BAHD1: variants seen among roughly 807,000 people sequenced by gnomAD.
The protein encoded by BAHD1 is bromo adjacent homology domain-containing 1 protein.
Under a neutral mutation model 63.1 loss-of-function variants are expected in BAHD1, and 20 were observed. That is an observed-to-expected ratio of 0.32 (90% confidence interval 0.22 to 0.46). The LOEUF (loss-of-function observed/expected upper bound fraction) is 0.46, where lower values mean the gene tolerates loss of function less well. Among genes scored for constraint, BAHD1 ranks in the 20% least tolerant of loss-of-function variants. The pLI is 1.00. For synonymous variants in BAHD1, 408 were observed against 426.8 expected (o/e 0.96, Z 0.54); for missense variants, 939 against 1,071.8 (o/e 0.88, Z 1.73).
At chr15:40,450,654 C>T (rs996428967) in intron 1 of BAHD1, among the ~76,000 whole-genome samples, 2 of 152,170 alleles carry the variant, frequency 1.3e-5, no homozygotes, top group Non-Finnish European at 2.9e-5. Flanking sequence ...CTGCTCAGAG[C>T]AAATGGGTTT....
At chr15:40,450,601 T>A (rs1019214605) in intron 1 of BAHD1, among the ~76,000 whole-genome samples, 4 of 152,224 alleles carry the variant, frequency 2.6e-5, no homozygotes, top group Non-Finnish European at 5.9e-5. Flanking sequence ...TGGGGTGCCC[T>A]GTCCCCTGTT....
intron 3 of BAHD1, among the ~76,000 whole-genome samples, chr15:40,463,252 C>T (rs1894104530): frequency 1.3e-5 from 2 of 152,130 alleles, no homozygotes; most frequent in African/African-American, 4.8e-5. Context: ...CTGCAGTGAA[C>T]TATGGTTGCA....
intron 1 of BAHD1, among the ~76,000 whole-genome samples, chr15:40,449,037 A>G (rs1459809989): frequency 6.6e-6 from 1 of 151,556 alleles, no homozygotes; most frequent in Non-Finnish European, 1.5e-5. Context: ...GCTGGCCTTG[A>G]ACTCCCAACC....
chr15:40,454,919 T>C (rs947823980), intron 1 of BAHD1, among the ~76,000 whole-genome samples: 4 of 152,178 alleles, frequency 2.6e-5, no homozygotes, highest in Admixed American at 6.5e-5. Context: ...CCATCCCTTG[T>C]GGTTTGGAGG....
chr15:40,439,200 T>C (rs984476027), upstream of BAHD1, among the ~76,000 whole-genome samples: 2 of 152,228 alleles, frequency 1.3e-5, no homozygotes, highest in Admixed American at 6.5e-5. Context: ...TGGGAGAACC[T>C]GGACCTTCGA....
chr15:40,439,429 T>A (rs1893343357), upstream of BAHD1, among the ~76,000 whole-genome samples: 1 of 152,150 alleles, frequency 6.6e-6, no homozygotes, highest in Non-Finnish European at 1.5e-5. Flanking sequence ...GGGTGAGCGC[T>A]GGAGTCCCAA....
In BAHD1 at chr15:40,466,916, A is replaced by T. The variant is rs1413882521; in HGVS notation, c.*786A>T. On this transcript the variant is annotated 3_prime_UTR_variant, in exon 7 of 7. Coordinates refer to ENST00000416165, the MANE Select transcript of BAHD1 (RefSeq NM_014952.5). ...TGGGTGCTGGGAGAGGGTTGGGGGC[A>T]GGGGGCAAGGAAAATTGCTACCTGA... is the stretch of plus-strand genomic sequence containing the variant. 2 of 152,524 alleles carry T rather than the reference A, an allele frequency of 1.3e-5. No individual in the cohort carries two copies. The allele number at this position is 152,524 out of a possible 1,614,324, so 9.4% of individuals were successfully genotyped here.
In BAHD1 at chr15:40,467,939, A is replaced by AGGGG. The variant is rs1894261231; in HGVS notation, c.*1812_*1813insGGGG. On this transcript the variant is annotated 3_prime_UTR_variant, in exon 7 of 7. Transcript: ENST00000416165. ...GATGAAGGCCCTCCTCCCAGGAGGTAGGGTCTTGGCTGCCCCGAACTTAAA... is the reference window on the plus strand; with the variant it reads ...GATGAAGGCCCTCCTCCCAGGAGGTAGGGGGGGTCTTGGCTGCCCCGAACTTAAA... 2 of 152,778 alleles carry AGGGG rather than the reference A, an allele frequency of 1.3e-5. No homozygotes were observed. Among genetic ancestry groups the AGGGG allele is most frequent in the South Asian group, 4.1e-4 (2 of 4,830 alleles). The allele number at this position is 152,778 out of a possible 1,614,324, so 9.5% of individuals were successfully genotyped here. A position where few individuals can be genotyped will look rare whatever the true frequency, so the allele number is the denominator to read the frequency against.
At position 40,458,151 on chromosome 15, in the gene BAHD1, C is replaced by T. The variant is rs2141519800; in HGVS notation, c.-14-300C>T. On this transcript the variant is annotated intron_variant, in intron 1 of 6. Transcript: ENST00000416165. This position sits in a 1 kb window ranked among gnomAD's most constrained non-coding sequence, Gnocchi z 4.7. ...AGAGAACAAAGAGCTTTGCCACCAG[C>T]TCCTCCTATCCCCTGTCCCTGGGGT... Among the ~76,000 whole-genome samples the T allele has an allele frequency of 6.6e-6, 1 of 152,308 alleles. No individual in the cohort carries two copies. Among genetic ancestry groups the T allele is most frequent in the East Asian group, 1.9e-4 (1 of 5,190 alleles).
At chr15:40,452,362 A>C (rs1893731405) in intron 1 of BAHD1, among the ~76,000 whole-genome samples, 1 of 152,208 alleles carries the variant, frequency 6.6e-6, no homozygotes, top group Admixed American at 6.5e-5. Context: ...GCCTCCACTG[A>C]AGCCTCATTC....
intron 1 of BAHD1, among the ~76,000 whole-genome samples, chr15:40,456,940 T>A (rs1318425870): frequency 6.6e-6 from 1 of 152,252 alleles, no homozygotes; most frequent in Non-Finnish European, 1.5e-5. Context: ...CACCGCCCTC[T>A]GCAGTTCTTC....
intron 1 of BAHD1, among the ~76,000 whole-genome samples, chr15:40,447,726 T>A (rs1893583841): frequency 6.6e-6 from 1 of 152,182 alleles, no homozygotes; most frequent in South Asian, 2.1e-4. Flanking sequence ...CTTTGCATGT[T>A]AAGATGACAG....
In BAHD1 at chr15:40,458,820, T is replaced by A; in HGVS notation, c.356T>A (p.Leu119Gln). 6.2e-7 allele frequency: 1 copy of A among 1,612,686 alleles called. No individual in the cohort carries two copies. The highest frequency in any genetic ancestry group is 8.5e-7 in the Non-Finnish European group (1 of 1,179,846). ...PGLAQPRKRRLASLNAEALNN... is the reference protein window; with the variant it reads ...PGLAQPRKRRQASLNAEALNN... Reference sequence around the variant, plus strand: ...CTTGCCCAGCCCCGCAAGCGGCGCCTGGCCTCCCTCAATGCTGAAGCTCTC... The same window carrying A: ...CTTGCCCAGCCCCGCAAGCGGCGCCAGGCCTCCCTCAATGCTGAAGCTCTC... Residue 119 changes from leucine to glutamine, a missense_variant, in exon 2 of 7, where the codon CTG (leucine) becomes CAG (glutamine). Leu to Gln is a moderately radical substitution (Grantham distance 113). Transcript: ENST00000416165. The surrounding 1 kb of genome is among the most constrained non-coding windows in gnomAD (Gnocchi z 4.7).
upstream of BAHD1, among the ~76,000 whole-genome samples, chr15:40,440,342 T>C (rs1893363674): frequency 6.6e-6 from 1 of 151,934 alleles, no homozygotes; most frequent in African/African-American, 2.4e-5. Context: ...GAGGGGCTTC[T>C]CAGCAGTCGG....
chr15:40,445,519 T>C (rs551537294), intron 1 of BAHD1, among the ~76,000 whole-genome samples: 21 of 152,312 alleles, frequency 1.4e-4, no homozygotes, highest in African/African-American at 4.6e-4. Flanking sequence ...TCCGGCAACA[T>C]CTGGCCTCAG....
At position 40,441,332 on chromosome 15, in the gene BAHD1, T is replaced by G. The variant is rs1193401429; in HGVS notation, c.-15+64T>G. ...AGCTGGAGGGAGGGAGCGAGCGAGG[T>G]AGGCAGAAGAGCGAAGGGGGAGAGC... On this transcript the variant is annotated intron_variant, in intron 1 of 6. Coordinates refer to ENST00000416165, the MANE Select transcript of BAHD1 (RefSeq NM_014952.5). 5 of 148,938 alleles carry G rather than the reference T, an allele frequency of 3.4e-5. No individual in the cohort carries two copies. The East Asian group carries it at 1.0e-3, about 30-fold the overall frequency. 9.2% of individuals were successfully genotyped at this position (148,938 alleles called of 1,614,324 possible). A position where few individuals can be genotyped will look rare whatever the true frequency, so the allele number is the denominator to read the frequency against.
At chr15:40,460,367 G>A (rs1894003290) in intron 2 of BAHD1, among the ~76,000 whole-genome samples, 1 of 152,158 alleles carries the variant, frequency 6.6e-6, no homozygotes, top group African/African-American at 2.4e-5. Context: ...TCATGGGAAA[G>A]GTGGTAGGTA....
intron 2 of BAHD1, among the ~76,000 whole-genome samples, chr15:40,460,309 C>G (rs111470221): frequency 2.0e-5 from 3 of 152,252 alleles, no homozygotes; most frequent in African/African-American, 7.2e-5. Flanking sequence ...CTAGAATTCC[C>G]TAGTTTCTAG....
intron 6 of BAHD1, 142 bp downstream of exon 6, chr15:40,465,577 C>CT: frequency 1.4e-6 from 1 of 702,746 alleles, no homozygotes; most frequent in South Asian, 1.8e-5. Flanking sequence ...CCAGAACTTA[C>CT]TTCCCTATTG....
Sources: allele counts gnomAD v4.1 joint callset (sites outside exome capture counted in the v4.1 genomes callset), GRCh38; gene constraint gnomAD v4.1.1; non-coding constraint Gnocchi (gnomAD v3.1); transcripts MANE v1.5; gene names NCBI Gene and HGNC (gene_info 2026-07-23, HGNC 2026-07-21).